PDE1C: variants seen among roughly 807,000 people sequenced by gnomAD.
PDE1C encodes the protein phosphodiesterase 1C.
PDE1C carries 62 observed loss-of-function variants against 93.1 expected under a neutral mutation model. That is an observed-to-expected ratio of 0.67 (90% CI 0.54 to 0.82). PDE1C has a LOEUF of 0.82. Ranked by LOEUF, PDE1C falls within the 40% of genes least tolerant of loss-of-function variation. The pLI is 0.00. For missense variants in PDE1C, 742 were observed against 884.6 expected, an observed-to-expected ratio of 0.84 and a Z score of 2.04; for synonymous variants, 325 against 310.1, an observed-to-expected ratio of 1.05 and a Z score of -0.50.
At chr7:32,349,964 T>G (rs944064140) in intron 1 of PDE1C, among the ~76,000 whole-genome samples, 3 of 152,244 alleles carry the variant, frequency 2.0e-5, no homozygotes, top group African/African-American at 7.2e-5. Flanking sequence ...TTTTAGAATA[T>G]TCTGCTAGCA....
chr7:32,341,183 T>TTTTTTTTA (rs1783744019), intron 1 of PDE1C, among the ~76,000 whole-genome samples: 1 of 118,070 alleles, frequency 8.5e-6, no homozygotes, highest in South Asian at 3.5e-4. Flanking sequence ...CTTTTTTTTT[T>TTTTTTTTA]TTTTTTTTTT....
intron 3 of PDE1C, among the ~76,000 whole-genome samples, chr7:32,131,161 A>C (rs1423996566): frequency 1.3e-5 from 2 of 152,094 alleles, no homozygotes; most frequent in Non-Finnish European, 2.9e-5. Context: ...AAATTCAAGC[A>C]TCACCTTTCA....
chr7:31,703,534 T>A, the PDE1C span, among the ~76,000 whole-genome samples: 2 of 152,252 alleles, frequency 1.3e-5, no homozygotes, highest in African/African-American at 4.8e-5. Flanking sequence ...GTAAGTGCAA[T>A]TACAGATATT....
At chr7:31,623,723 A>T in the PDE1C span, among the ~76,000 whole-genome samples, 1 of 138,966 alleles carries the variant, frequency 7.2e-6, no homozygotes, top group Admixed American at 7.5e-5. Flanking sequence ...AAACTTTGAA[A>T]CCTCTATCAC....
At chr7:32,044,297 T>C (rs1439562007) in intron 2 of PDE1C, among the ~76,000 whole-genome samples, 1 of 152,014 alleles carries the variant, frequency 6.6e-6, no homozygotes, top group Non-Finnish European at 1.5e-5. Context: ...GAAAGGATCA[T>C]AAAAAAATCA....
chr7:32,100,862 GA>G lies in PDE1C; in HGVS notation c.308+68922del, dbSNP rs547397743. On this transcript the variant is annotated intron_variant, in intron 3 of 18. Coordinates refer to the PDE1C transcript ENST00000396193. ...TAGTATTCAAACAAGTGTGCCAGAGGAAAAAAAAAGAACTGGACAAACATGC... is the reference window on the plus strand; with the variant it reads ...TAGTATTCAAACAAGTGTGCCAGAGGAAAAAAAAGAACTGGACAAACATGC... Among the ~76,000 whole-genome samples, 965 of 150,768 alleles carry G rather than the reference GA, an allele frequency of 6.4e-3. 7 individuals carry two copies. Among genetic ancestry groups the G allele is most frequent in the Non-Finnish European group, 0.011 (728 of 67,622 alleles).
At chr7:32,075,288 A>G (rs1796286798), upstream of PDE1C, among the ~76,000 whole-genome samples, 1 of 152,170 alleles carries the variant, frequency 6.6e-6, no homozygotes. Context: ...CCCTTGATCC[A>G]TTTTTCACGA....
intron 3 of PDE1C, among the ~76,000 whole-genome samples, chr7:32,163,970 T>G (rs1398877149): frequency 2.6e-5 from 4 of 152,222 alleles, no homozygotes; most frequent in Non-Finnish European, 4.4e-5. Flanking sequence ...CCAAAGCCCA[T>G]TATTTTACTG....
chr7:31,697,191 CA>C, the PDE1C span: 1 of 1,551,462 alleles, frequency 6.4e-7, no homozygotes, highest in South Asian at 1.2e-5. Context: ...TGGAGGTCCC[CA>C]GGGCCTGGCC....
At chr7:31,997,696 A>G (rs780144766) in intron 2 of PDE1C, among the ~76,000 whole-genome samples, 17 of 152,200 alleles carry the variant, frequency 1.1e-4, no homozygotes, top group Non-Finnish European at 1.8e-4. Context: ...ACCCATTGTC[A>G]AGCAGTGGGA....
chr7:31,858,073 A>G (rs1385718114), intron 7 of PDE1C, among the ~76,000 whole-genome samples: 1 of 152,346 alleles, frequency 6.6e-6, no homozygotes, highest in African/African-American at 2.4e-5. Flanking sequence ...ACTGGAAAAC[A>G]TGGGAGAAGC....
In PDE1C at chr7:32,194,127, GA is replaced by G. The variant is rs1270541684; in HGVS notation, c.136+15361del. Among the ~76,000 whole-genome samples, 12 of 152,068 alleles carry G rather than the reference GA, an allele frequency of 7.9e-5. 1 individual carries two copies. The highest frequency in any genetic ancestry group is 7.2e-4 in the Admixed American group (11 of 15,274). On this transcript the variant is annotated intron_variant, in intron 2 of 18. Transcript: ENST00000396193. ...GACAGGGTTTCACCATGTTCGCCAG[GA>G]TGGTCTCAATCTCCTGACCTCGTGA... is the stretch of plus-strand genomic sequence containing the variant.
intron 2 of PDE1C, among the ~76,000 whole-genome samples, chr7:31,887,294 ACAGTGCC>A (rs1418344951): frequency 6.6e-6 from 1 of 152,218 alleles, no homozygotes; most frequent in Non-Finnish European, 1.5e-5. Context: ...AAAAACAAGA[ACAGTGCC>A]AACAAAAATT....
chr7:32,089,130 CAA>C (rs1395874916), intron 3 of PDE1C, among the ~76,000 whole-genome samples: 37 of 152,304 alleles, frequency 2.4e-4, no homozygotes, highest in Admixed American at 8.5e-4. Flanking sequence ...GGGCATATCG[CAA>C]AGTCTCTTCT....
rs118136819 is a variant in PDE1C, at chr7:31,937,476, G to A, written c.129-56616C>T. Among the ~76,000 whole-genome samples, 699 of 152,252 alleles carry A rather than the reference G, an allele frequency of 4.6e-3. 5 individuals are homozygous for A. Among genetic ancestry groups the A allele is most frequent in the Admixed American group, 0.02 (311 of 15,294 alleles). Reference sequence around the variant, plus strand: ...AATTGTGTCTAAACTCCAAAGAGAGGAGAGTATAAACAGGCATGTCCTGGT... The same window carrying A: ...AATTGTGTCTAAACTCCAAAGAGAGAAGAGTATAAACAGGCATGTCCTGGT... On this transcript the variant is annotated intron_variant, in intron 2 of 17. Coordinates refer to ENST00000396191, the MANE Select transcript of PDE1C (RefSeq NM_001191057.4).
intron 1 of PDE1C, among the ~76,000 whole-genome samples, chr7:32,230,404 G>A (rs1807611211): frequency 6.6e-6 from 1 of 152,182 alleles, no homozygotes; most frequent in Non-Finnish European, 1.5e-5. Context: ...CTACTGGGCT[G>A]CCTCATTAAC....
At position 31,928,917 on chromosome 7, in the gene PDE1C, C is replaced by G. The variant is rs528628976; in HGVS notation, c.129-48057G>C. Among the ~76,000 whole-genome samples the G allele has an allele frequency of 5.8e-4, 88 of 152,250 alleles. 1 individual carries two copies. The highest frequency in any genetic ancestry group is 2.0e-3 in the African/African-American group (85 of 41,538). ...TCAGCTAGCATCATGATGACAGGAT[C>G]AAATTCACACACAACAATATTAACC... On this transcript the variant is annotated intron_variant, in intron 2 of 17. Transcript: ENST00000396191.
intron 2 of PDE1C, among the ~76,000 whole-genome samples, chr7:31,920,352 A>C (rs2128957161): frequency 6.6e-6 from 1 of 152,190 alleles, no homozygotes; most frequent in African/African-American, 2.4e-5. Context: ...TATTCTGGAC[A>C]TCCATTCTGC....
In PDE1C at chr7:31,760,418, G is replaced by A. The variant is rs917972973; in HGVS notation, c.1961-6865C>T. Among the ~76,000 whole-genome samples the A allele has an allele frequency of 1.9e-4, 29 of 152,204 alleles. No individual in the cohort carries two copies. The Middle Eastern group carries it at 0.01, about 54-fold the overall frequency. ...AGAACAGCCGCTAGTCCTCATCCAC[G>A]CTTGGGTCTGGCCTCATTCCCTTGA... On this transcript the variant is annotated intron_variant, in intron 17 of 17. Transcript: ENST00000396191.
Sources: allele counts gnomAD v4.1 joint callset (sites outside exome capture counted in the v4.1 genomes callset), GRCh38; gene constraint gnomAD v4.1.1; transcripts MANE v1.5; gene names NCBI Gene and HGNC (gene_info 2026-07-23, HGNC 2026-07-21).